Variants in CDK5RAP2 observed in about 807,000 individuals in gnomAD.
CDK5RAP2 encodes CDK5 regulatory subunit-associated protein 2.
In CDK5RAP2, 147 loss-of-function variants were observed where a neutral mutation model predicts 232.9. The observed-to-expected ratio is 0.63, with a 90% CI of 0.55 to 0.72. CDK5RAP2 has a LOEUF of 0.72. Ranked by LOEUF, CDK5RAP2 falls within the 30% of genes least tolerant of loss-of-function variation. The pLI, the probability that CDK5RAP2 is intolerant of heterozygous loss-of-function variation, is 0.00. For missense variants in CDK5RAP2, 2,195 were observed against 2,231.5 expected (o/e 0.98, Z 0.33); for synonymous variants, 833 against 833.7 (o/e 1.00, Z 0.01).
chr9:120,531,089 C>T (rs2041131015), intron 7 of CDK5RAP2, among the ~76,000 whole-genome samples: 1 of 152,072 alleles, frequency 6.6e-6, no homozygotes, highest in African/African-American at 2.4e-5. Flanking sequence ...TAGGGCCTAC[C>T]AGATCAGAGG....
chr9:120,463,974 A>G (rs1389256145), intron 18 of CDK5RAP2, among the ~76,000 whole-genome samples: 3 of 152,174 alleles, frequency 2.0e-5, no homozygotes. Context: ...AGCAACCTCC[A>G]AGTGTCAACT....
chr9:120,466,967 T>C (rs2037412992), intron 18 of CDK5RAP2, among the ~76,000 whole-genome samples: 1 of 152,182 alleles, frequency 6.6e-6, no homozygotes, highest in Non-Finnish European at 1.5e-5. Context: ...CTGCACTTCA[T>C]GGGAGAGCAG....
chr9:120,573,612 G>A (rs1172062082), intron 1 of CDK5RAP2, among the ~76,000 whole-genome samples: 1 of 150,840 alleles, frequency 6.6e-6, no homozygotes, highest in Middle Eastern at 3.4e-3. Context: ...AACGTAAACA[G>A]AATATGTCCT....
intron 12 of CDK5RAP2, among the ~76,000 whole-genome samples, chr9:120,493,321 C>T (rs1037446558): frequency 6.6e-6 from 1 of 152,188 alleles, no homozygotes; most frequent in Non-Finnish European, 1.5e-5. Context: ...TTTGTTGCAG[C>T]AGCAATAGAA....
At chr9:120,559,119 A>G (rs2042359344) in intron 3 of CDK5RAP2, among the ~76,000 whole-genome samples, 1 of 152,242 alleles carries the variant, frequency 6.6e-6, no homozygotes, top group Admixed American at 6.5e-5. Context: ...TATTATAACC[A>G]TCTCAAAAAG....
chr9:120,448,194 T>G (rs2036299043), intron 21 of CDK5RAP2, 68 bp from the exon 22 acceptor site: 1 of 1,292,224 alleles, frequency 7.7e-7, no homozygotes, highest in East Asian at 2.3e-5. Flanking sequence ...CAGTCAACAT[T>G]CTCATGCCAG....
At chr9:120,570,150 G>A (rs748664017) in intron 2 of CDK5RAP2, among the ~76,000 whole-genome samples, 3 of 152,070 alleles carry the variant, frequency 2.0e-5, no homozygotes, top group South Asian at 4.1e-4. Flanking sequence ...CATGGTGTTC[G>A]GAAACCACTT....
chr9:120,392,630 C>T (rs565854508), intron 36 of CDK5RAP2, among the ~76,000 whole-genome samples: 1 of 152,180 alleles, frequency 6.6e-6, no homozygotes, highest in Non-Finnish European at 1.5e-5. Flanking sequence ...ACTGCTGCTC[C>T]AAGAGTCTAA....
At chr9:120,449,236 C>T (rs576549542) in intron 21 of CDK5RAP2, among the ~76,000 whole-genome samples, 1 of 152,332 alleles carries the variant, frequency 6.6e-6, no homozygotes, top group South Asian at 2.1e-4. Flanking sequence ...CTTCCTACTT[C>T]CCCGACTAAC....
intron 17 of CDK5RAP2, among the ~76,000 whole-genome samples, chr9:120,468,349 C>T (rs961513325): frequency 6.6e-6 from 1 of 152,202 alleles, no homozygotes; most frequent in African/African-American, 2.4e-5. Flanking sequence ...CAGTCAATGA[C>T]AGCTAATACT....
Position 120,453,810 on chromosome 9 carries a change from T to C in CDK5RAP2, c.2439A>G (p.Glu813=). The C allele has an allele frequency of 6.2e-7, 1 of 1,614,242 alleles. No homozygotes were observed. Among genetic ancestry groups the C allele is most frequent in the Non-Finnish European group, 8.5e-7 (1 of 1,180,038 alleles). Residue 813 remains glutamate (E), a synonymous_variant, in exon 21 of 38, where the codon GAA becomes GAG. Coordinates refer to ENST00000349780, the MANE Select transcript of CDK5RAP2 (RefSeq NM_018249.6). ...TACCATCAAGGTGTTCTCCAGAAACTTCCTGCTCTGTCAAGAATAGTTGTC... is the reference window on the plus strand; with the variant it reads ...TACCATCAAGGTGTTCTCCAGAAACCTCCTGCTCTGTCAAGAATAGTTGTC... ...LLGQLFLTEQ[E]VSGEHLDGKT...
intron 36 of CDK5RAP2, among the ~76,000 whole-genome samples, 193 bp downstream of exon 36, chr9:120,394,319 G>A (rs138446497): frequency 3.3e-5 from 5 of 152,260 alleles, no homozygotes; most frequent in African/African-American, 9.6e-5. Context: ...CCAAAAGGCC[G>A]CTCTACAAAG....
At chr9:120,414,687 G>A (rs144696494) in intron 28 of CDK5RAP2, among the ~76,000 whole-genome samples, 6 of 152,280 alleles carry the variant, frequency 3.9e-5, no homozygotes, top group Non-Finnish European at 4.4e-5. Context: ...CTTCATGGAC[G>A]ATCACTCTAT....
intron 15 of CDK5RAP2, among the ~76,000 whole-genome samples, chr9:120,473,598 T>C (rs1172059783): frequency 6.6e-6 from 1 of 152,222 alleles, no homozygotes; most frequent in Non-Finnish European, 1.5e-5. Context: ...GGACAGTTCA[T>C]TGTGAAGCAG....
chr9:120,445,466 T>C (rs138578843), intron 22 of CDK5RAP2, among the ~76,000 whole-genome samples: 89 of 152,260 alleles, frequency 5.8e-4, no homozygotes, highest in African/African-American at 1.8e-3. Flanking sequence ...ATGCTTGCTG[T>C]CTCCAATCTC....
intron 11 of CDK5RAP2, among the ~76,000 whole-genome samples, chr9:120,520,596 T>A (rs142502160): frequency 6.6e-6 from 1 of 151,976 alleles, no homozygotes; most frequent in East Asian, 2.0e-4. Flanking sequence ...TAAGCCAAGA[T>A]TGCGCCACTG....
rs753612922 is a variant in CDK5RAP2, at chr9:120,539,178, C to A, written c.384-14G>T. ...TCAACTGCTTTGCTGCAAAAAGAGG[C>A]ACAGGGGTAAAACATGCAAGGGTGA... On this transcript the variant is annotated splice_polypyrimidine_tract_variant and intron_variant, in intron 5 of 37. Coordinates refer to ENST00000349780, the MANE Select transcript of CDK5RAP2 (RefSeq NM_018249.6). 1 of 1,613,714 alleles carries A rather than the reference C, an allele frequency of 6.2e-7. No homozygotes were observed. The highest frequency in any genetic ancestry group is 1.1e-5 in the South Asian group (1 of 91,072).
At position 120,477,394 on chromosome 9, in the gene CDK5RAP2, C is replaced by G. The variant is rs780183590; in HGVS notation, c.1683G>C (p.Gln561His). The change falls in exon 15 of 38, where the codon CAG becomes CAC. Residue 561 changes from glutamine to histidine, a missense_variant. Gln to His is a conservative substitution (Grantham distance 24, BLOSUM62 0). Coordinates refer to ENST00000349780, the MANE Select transcript of CDK5RAP2 (RefSeq NM_018249.6). ...ATTTGACCAGATGGGTATAGATGTC[C>G]TGCTCTTTCTTTAAGACCTGAATCA... ...EELIQVLKKE[Q>H]DIYTHLVKSL... 10 of 1,613,924 alleles carry G rather than the reference C, an allele frequency of 6.2e-6. No homozygotes were observed. The highest frequency in any genetic ancestry group is 3.4e-6 in the Non-Finnish European group (4 of 1,180,000).
At chr9:120,544,477 GAGA>G (rs2041760343) in intron 5 of CDK5RAP2, among the ~76,000 whole-genome samples, 1 of 152,184 alleles carries the variant, frequency 6.6e-6, no homozygotes, top group African/African-American at 2.4e-5. Context: ...GCATAACCTG[GAGA>G]AGAAGCCTGG....
Sources: allele counts gnomAD v4.1 joint callset (sites outside exome capture counted in the v4.1 genomes callset), GRCh38; gene constraint gnomAD v4.1.1; transcripts MANE v1.5; gene names NCBI Gene and HGNC (gene_info 2026-07-23, HGNC 2026-07-21).